Variants in ATXN7L1 observed in about 807,000 individuals in gnomAD.
ATXN7L1 encodes ataxin-7-like protein 1.
ATXN7L1 carries 15 observed loss-of-function variants against 70.8 expected under a neutral mutation model. That is an observed-to-expected ratio of 0.21 (90% confidence interval 0.14 to 0.33). The LOEUF (loss-of-function observed/expected upper bound fraction) is 0.33. Among genes scored for constraint, ATXN7L1 ranks in the 10% least tolerant of loss-of-function variants. The pLI is 1.00. For synonymous variants in ATXN7L1, 440 were observed against 445.1 expected, an observed-to-expected ratio of 0.99 and a Z score of 0.14; for missense variants, 975 against 1,097.1, an observed-to-expected ratio of 0.89 and a Z score of 1.57.
intron 3 of ATXN7L1, among the ~76,000 whole-genome samples, chr7:105,730,520 C>A (rs1450782177): frequency 6.6e-6 from 1 of 152,146 alleles, no homozygotes; most frequent in Non-Finnish European, 1.5e-5. Flanking sequence ...ATCACATGGT[C>A]AGGAGTTCAA....
chr7:105,829,519 G>A (rs1811311767), intron 2 of ATXN7L1, among the ~76,000 whole-genome samples: 1 of 152,110 alleles, frequency 6.6e-6, no homozygotes, highest in African/African-American at 2.4e-5. Flanking sequence ...AAGCTCCTAT[G>A]GGCCAGCATG....
chr7:105,778,372 A>G (rs978872936), intron 3 of ATXN7L1, among the ~76,000 whole-genome samples: 1 of 151,212 alleles, frequency 6.6e-6, no homozygotes, highest in East Asian at 1.9e-4. Context: ...TTAGCCAGAC[A>G]TGGTGGCTTA....
In ATXN7L1 at chr7:105,667,190, G is replaced by T. The variant is rs143890138; in HGVS notation, c.356-1902C>A. ...TGACACAGGCAGGAAGCAGCCAGGG[G>T]TCTCCACCCTCCTCATGGCTGACTG... is the stretch of plus-strand genomic sequence containing the variant. On this transcript the variant is annotated intron_variant, in intron 3 of 11. Transcript: ENST00000419735. 1.3e-3 allele frequency among the ~76,000 whole-genome samples: 194 copies of T among 152,236 alleles called. 5 individuals carry two copies. In the East Asian group the frequency reaches 0.035, roughly 28 times the overall value.
At chr7:105,674,195 TC>T (rs1804246311) in intron 3 of ATXN7L1, among the ~76,000 whole-genome samples, 1 of 152,222 alleles carries the variant, frequency 6.6e-6, no homozygotes, top group Non-Finnish European at 1.5e-5. Context: ...GGCACTAAGT[TC>T]TTTTGACAAA....
At chr7:105,765,716 T>C (rs1801162222) in intron 3 of ATXN7L1, among the ~76,000 whole-genome samples, 1 of 152,208 alleles carries the variant, frequency 6.6e-6, no homozygotes, top group African/African-American at 2.4e-5. Flanking sequence ...GCTAGATTTC[T>C]CCTTCAATAC....
chr7:105,724,818 CT>C (rs948095920), intron 3 of ATXN7L1, among the ~76,000 whole-genome samples: 1 of 151,692 alleles, frequency 6.6e-6, no homozygotes, highest in African/African-American at 2.4e-5. Context: ...CTCTTATTCT[CT>C]TTTTTCCCTC....
At chr7:105,706,751 C>A (rs1257536630) in intron 3 of ATXN7L1, among the ~76,000 whole-genome samples, 1 of 152,182 alleles carries the variant, frequency 6.6e-6, no homozygotes, top group Non-Finnish European at 1.5e-5. Context: ...CAACAAATGA[C>A]CTGAGCAGAG....
intron 2 of ATXN7L1, among the ~76,000 whole-genome samples, chr7:105,795,662 T>A (rs1462852134): frequency 6.6e-6 from 1 of 152,170 alleles, no homozygotes; most frequent in African/African-American, 2.4e-5. Flanking sequence ...GCACCAGATG[T>A]ACAGAGAAGC....
In ATXN7L1 at chr7:105,638,481, C is replaced by A. The variant is rs781521927; in HGVS notation, c.1074G>T (p.Thr358=). 19 of 1,552,180 alleles carry A rather than the reference C, an allele frequency of 1.2e-5. No homozygotes were observed. In the African/African-American group the frequency reaches 1.6e-4, roughly 13 times the overall value. Residue 358 remains threonine, a synonymous_variant, in exon 7 of 12, where the codon ACG becomes ACT. Coordinates refer to ENST00000419735, the MANE Select transcript of ATXN7L1 (RefSeq NM_020725.2). ...VKDKEHLLTS[T]REILPSQSGP... ...CGGATTGGCTTGGAAGTATTTCCCT[C>A]GTGGAAGTCAGGAGATGCTCTTTAT...
intron 3 of ATXN7L1, among the ~76,000 whole-genome samples, chr7:105,773,423 C>G (rs986825754): frequency 6.6e-6 from 1 of 152,138 alleles, no homozygotes; most frequent in Non-Finnish European, 1.5e-5. Flanking sequence ...GGGTGGATGA[C>G]GAGACTGTCC....
chr7:105,745,818 C>T (rs1224099446), intron 3 of ATXN7L1, among the ~76,000 whole-genome samples: 1 of 152,216 alleles, frequency 6.6e-6, no homozygotes, highest in African/African-American at 2.4e-5. Context: ...CCATCTGTTC[C>T]CAGGGCTCTA....
At chr7:105,763,482 G>A (rs543407573) in intron 3 of ATXN7L1, among the ~76,000 whole-genome samples, 128 of 152,360 alleles carry the variant, frequency 8.4e-4, no homozygotes, top group Non-Finnish European at 1.5e-3. Flanking sequence ...CCATGAGGCT[G>A]CCTCTTGTTT....
At chr7:105,754,073 T>A (rs1799507341) in intron 3 of ATXN7L1, among the ~76,000 whole-genome samples, 1 of 152,188 alleles carries the variant, frequency 6.6e-6, no homozygotes, top group East Asian at 1.9e-4. Flanking sequence ...TTAGACAATC[T>A]GTGGGAAAAT....
At chr7:105,866,985 C>T (rs772761737) in intron 2 of ATXN7L1, among the ~76,000 whole-genome samples, 10 of 152,142 alleles carry the variant, frequency 6.6e-5, no homozygotes, top group Admixed American at 1.3e-4. Flanking sequence ...ATGTCATAAA[C>T]GAAACGTTAA....
chr7:105,634,459 C>T (rs1000869223), intron 7 of ATXN7L1, among the ~76,000 whole-genome samples: 2 of 151,846 alleles, frequency 1.3e-5, no homozygotes, highest in Admixed American at 6.6e-5. Flanking sequence ...CATGAAAGTA[C>T]ATTTCTTATT....
chr7:105,621,436 T>C (rs1236271394), intron 8 of ATXN7L1, among the ~76,000 whole-genome samples: 1 of 152,198 alleles, frequency 6.6e-6, no homozygotes, highest in Non-Finnish European at 1.5e-5. Context: ...ACTATCAGTG[T>C]ATAGACAGGG....
chr7:105,818,321 C>G (rs1318129491), intron 2 of ATXN7L1, among the ~76,000 whole-genome samples: 1 of 152,162 alleles, frequency 6.6e-6, no homozygotes, highest in Non-Finnish European at 1.5e-5. Flanking sequence ...AGGCACGTGC[C>G]ACCACGCCCC....
At chr7:105,774,055 G>A (rs1802388238) in intron 3 of ATXN7L1, among the ~76,000 whole-genome samples, 1 of 152,040 alleles carries the variant, frequency 6.6e-6, no homozygotes, top group Non-Finnish European at 1.5e-5. Flanking sequence ...GCTCTGCACT[G>A]CCACCATCAC....
intron 2 of ATXN7L1, among the ~76,000 whole-genome samples, chr7:105,792,826 C>T (rs764540581): frequency 8.5e-5 from 13 of 152,090 alleles, no homozygotes; most frequent in Admixed American, 2.0e-4. Flanking sequence ...TGAATAAAAA[C>T]GGGCAAAAAA....
Sources: gnomAD v4.1 joint callset for allele counts (sites outside exome capture counted in the v4.1 genomes callset) on GRCh38, gnomAD v4.1.1 for gene constraint, MANE v1.5 for transcripts, NCBI Gene and HGNC (gene_info 2026-07-23, HGNC 2026-07-21) for gene names.